The following DNAH3 variants were observed in gnomAD, a reference collection of about 807,000 sequenced individuals.
DNAH3 encodes the protein dynein axonemal heavy chain 3.
In DNAH3, 332 loss-of-function variants were observed where a neutral mutation model predicts 432.5. That is an observed-to-expected ratio of 0.77 (90% CI 0.70 to 0.84). The LOEUF (loss-of-function observed/expected upper bound fraction) is 0.84, where lower values mean the gene tolerates loss of function less well. DNAH3 is among the 40% of genes least tolerant of loss of function. The probability of loss-of-function intolerance (pLI) is 0.00; values close to 1 mark genes in which losing one functional copy is unlikely to be tolerated. For missense variants in DNAH3, 4,861 were observed against 5,114.0 expected (o/e 0.95, Z 1.51); for synonymous variants, 1,956 against 1,900.2 (o/e 1.03, Z -0.76).
chr16:21,100,153 C>T (rs924163995), intron 16 of DNAH3, among the ~76,000 whole-genome samples: 10 of 152,086 alleles, frequency 6.6e-5, no homozygotes, highest in African/African-American at 2.4e-4. Context: ...CTCATTGTAA[C>T]CTCTGCCTCC....
At chr16:21,042,407 GTGT>G (rs1290617681) in intron 31 of DNAH3, among the ~76,000 whole-genome samples, 2 of 152,230 alleles carry the variant, frequency 1.3e-5, no homozygotes, top group East Asian at 1.9e-4. Context: ...GTGTGTGTGT[GTGT>G]TAATAGTTTC....
chr16:20,995,049 C>T (rs139647892), intron 44 of DNAH3, among the ~76,000 whole-genome samples: 1 of 152,146 alleles, frequency 6.6e-6, no homozygotes, highest in East Asian at 1.9e-4. Flanking sequence ...GATCCTCCTG[C>T]CTCAGCCCCC....
chr16:21,054,955 G>A (rs963583469), intron 27 of DNAH3, among the ~76,000 whole-genome samples: 8 of 151,924 alleles, frequency 5.3e-5, no homozygotes, highest in Admixed American at 3.3e-4. Context: ...ACTGAGAACC[G>A]TATGCTAAAA....
At chr16:21,080,282 G>T (rs1171084321) in intron 20 of DNAH3, among the ~76,000 whole-genome samples, 1 of 152,174 alleles carries the variant, frequency 6.6e-6, no homozygotes, top group African/African-American at 2.4e-5. Context: ...GGGTGACAAA[G>T]TGAGACTCCG....
chr16:20,954,068 T>C (rs2084441183), intron 55 of DNAH3, among the ~76,000 whole-genome samples: 2 of 151,572 alleles, frequency 1.3e-5, no homozygotes. Flanking sequence ...CTACTAAAAA[T>C]ACAAAAATTA....
chr16:20,934,766 T>A (rs2083528787), intron 61 of DNAH3, among the ~76,000 whole-genome samples: 1 of 152,174 alleles, frequency 6.6e-6, no homozygotes, highest in Admixed American at 6.5e-5. Flanking sequence ...TCCTAGTCAT[T>A]TTTTTTCTTG....
At chr16:21,031,181 A>T (rs1470256660) in exon 37 of DNAH3, 2 of 1,614,184 alleles carry the variant, frequency 1.2e-6, no homozygotes, top group Non-Finnish European at 1.7e-6. Context: ...GACACCATCC[A>T]TCCACTCGTG....
At chr16:21,144,357 A>C (rs2092756113) in intron 3 of DNAH3, among the ~76,000 whole-genome samples, 1 of 152,122 alleles carries the variant, frequency 6.6e-6, no homozygotes, top group Non-Finnish European at 1.5e-5. Flanking sequence ...CCTCGCTCTA[A>C]GGGAAGCCAG....
intron 1 of DNAH3, among the ~76,000 whole-genome samples, chr16:21,155,266 T>C (rs767473060): frequency 1.9e-4 from 29 of 152,064 alleles, no homozygotes; most frequent in Admixed American, 4.6e-4. Flanking sequence ...TCAATTGGGC[T>C]GCCAGACAAA....
chr16:21,091,412 A>C (rs1236051914), intron 18 of DNAH3, among the ~76,000 whole-genome samples: 2 of 152,196 alleles, frequency 1.3e-5, no homozygotes, highest in African/African-American at 4.8e-5. Flanking sequence ...CAGAATCAAC[A>C]AAACAAACTC....
intron 52 of DNAH3, among the ~76,000 whole-genome samples, chr16:20,966,851 C>T (rs1471283454): frequency 6.6e-6 from 1 of 152,162 alleles, no homozygotes; most frequent in Non-Finnish European, 1.5e-5. Flanking sequence ...AAGCAGCTTG[C>T]AGGCTTCCAC....
intron 8 of DNAH3, 66 bp from the exon 10 acceptor site, chr16:21,125,436 C>A: frequency 2.2e-6 from 3 of 1,381,588 alleles, no homozygotes; most frequent in Non-Finnish European, 2.9e-6. Context: ...ACTTGCCGTG[C>A]CCCCTGAGCT....
At chr16:21,154,439 G>A (rs1765824239) in intron 1 of DNAH3, among the ~76,000 whole-genome samples, 1 of 152,056 alleles carries the variant, frequency 6.6e-6, no homozygotes, top group Non-Finnish European at 1.5e-5. Context: ...CTGATGTGGA[G>A]CTAATGGACC....
At chr16:21,011,752 C>G (rs1476161282) in intron 41 of DNAH3, among the ~76,000 whole-genome samples, 2 of 151,666 alleles carry the variant, frequency 1.3e-5, no homozygotes, top group African/African-American at 4.9e-5. Flanking sequence ...TTAAATGAAG[C>G]AGGAACAGAA....
chr16:20,971,328 ACTG>A (rs1057245896), intron 51 of DNAH3, among the ~76,000 whole-genome samples: 4 of 152,144 alleles, frequency 2.6e-5, no homozygotes, highest in African/African-American at 9.7e-5. Flanking sequence ...TTGCATTCCT[ACTG>A]TGCATTCGGT....
chr16:21,035,222 G>A (rs1333129870), intron 35 of DNAH3, among the ~76,000 whole-genome samples: 1 of 152,200 alleles, frequency 6.6e-6, no homozygotes, highest in Non-Finnish European at 1.5e-5. Context: ...AGCTACTCGA[G>A]AGGCTGAGGC....
exon 52 of DNAH3, chr16:20,969,964 C>A: frequency 6.2e-7 from 1 of 1,614,096 alleles, no homozygotes; most frequent in Non-Finnish European, 8.5e-7. Flanking sequence ...CAGGCATTGC[C>A]TCAGCTAGGT....
chr16:21,099,380 GAAAAT>G (rs1306067951), intron 16 of DNAH3, among the ~76,000 whole-genome samples: 3 of 152,190 alleles, frequency 2.0e-5, no homozygotes, highest in African/African-American at 7.2e-5. Flanking sequence ...ATGCTCTGAA[GAAAAT>G]AAAATAGGGC....
At chr16:20,959,007 A>T (rs1247899567) in intron 54 of DNAH3, among the ~76,000 whole-genome samples, 172 bp downstream of exon 54, 1 of 152,122 alleles carries the variant, frequency 6.6e-6, no homozygotes, top group African/African-American at 2.4e-5. Flanking sequence ...ACCTCAGGTG[A>T]TCCACCCACC....
Sources: gnomAD v4.1 joint callset for allele counts (sites outside exome capture counted in the v4.1 genomes callset) on GRCh38, gnomAD v4.1.1 for gene constraint, MANE v1.5 for transcripts, NCBI Gene and HGNC (gene_info 2026-07-23, HGNC 2026-07-21) for gene names.